ZNRF3: variants seen among roughly 807,000 people sequenced by gnomAD.
The protein encoded by ZNRF3 is zinc and ring finger 3, also known as E3 ubiquitin-protein ligase ZNRF3.
In ZNRF3, 23 loss-of-function variants were observed where a neutral mutation model predicts 72.5. That is an observed-to-expected ratio of 0.32 (90% CI 0.23 to 0.45). The LOEUF (loss-of-function observed/expected upper bound fraction) is 0.45. Ranked by LOEUF, ZNRF3 falls within the 20% of genes least tolerant of loss-of-function variation. ZNRF3 has a pLI of 1.00. For synonymous variants in ZNRF3, 610 were observed against 545.3 expected, an observed-to-expected ratio of 1.12 and a Z score of -1.65; for missense variants, 1,169 against 1,272.1, an observed-to-expected ratio of 0.92 and a Z score of 1.23.
intron 1 of ZNRF3, among the ~76,000 whole-genome samples, chr22:28,919,541 CTTTT>C (rs1242446288): frequency 1.4e-5 from 2 of 140,512 alleles, no homozygotes; most frequent in Admixed American, 7.1e-5. Context: ...AGCCTCTTTA[CTTTT>C]TTTTTTTTTT....
chr22:28,898,613 G>C (rs1185195354), intron 1 of ZNRF3, among the ~76,000 whole-genome samples: 1 of 152,246 alleles, frequency 6.6e-6, no homozygotes, highest in Non-Finnish European at 1.5e-5. Flanking sequence ...GTTCTATGTA[G>C]CTTCAGAATG....
chr22:28,946,055 A>G (rs549011325), intron 1 of ZNRF3, among the ~76,000 whole-genome samples: 4 of 152,306 alleles, frequency 2.6e-5, no homozygotes, highest in South Asian at 2.1e-4. Context: ...CTCAAAGGCA[A>G]TGCTCATTGG....
At chr22:28,969,170 C>G (rs1315409375) in intron 1 of ZNRF3, among the ~76,000 whole-genome samples, 1 of 152,164 alleles carries the variant, frequency 6.6e-6, no homozygotes, top group Non-Finnish European at 1.5e-5. Flanking sequence ...ACAGTGGCTC[C>G]CATCCCGCCC....
At position 29,033,373 on chromosome 22, in the gene ZNRF3, G is replaced by T. The variant is rs974690051; in HGVS notation, c.427-9122G>T. 1.6e-4 allele frequency among the ~76,000 whole-genome samples: 21 copies of T among 131,352 alleles called. No individual in the cohort carries two copies. The South Asian group carries it at 5.0e-3, about 31-fold the overall frequency. The allele number at this position is 131,352 out of a possible 152,430, so 86.2% of individuals were successfully genotyped here. A position where few individuals can be genotyped will look rare whatever the true frequency, so the allele number is the denominator to read the frequency against. On this transcript the variant is annotated intron_variant, in intron 2 of 8. Coordinates refer to ENST00000544604, the MANE Select transcript of ZNRF3 (RefSeq NM_001206998.2). ...CTCAAAAAAAAAAAAAAAAAAAAAA[G>T]GCTCAATATAGTTCAACTTAGGAGT...
intron 2 of ZNRF3, among the ~76,000 whole-genome samples, chr22:28,997,826 G>A (rs184653396): frequency 6.6e-6 from 1 of 151,530 alleles, no homozygotes; most frequent in East Asian, 2.0e-4. Context: ...GGCAACAAGC[G>A]AGAACTCATT....
chr22:28,899,290 C>G (rs980329410), intron 1 of ZNRF3, among the ~76,000 whole-genome samples: 2 of 152,184 alleles, frequency 1.3e-5, no homozygotes, highest in Non-Finnish European at 2.9e-5. Flanking sequence ...TTTAAATTTG[C>G]AGTCTCAACA....
At chr22:28,949,938 A>T (rs550403815) in intron 1 of ZNRF3, among the ~76,000 whole-genome samples, 2 of 142,254 alleles carry the variant, frequency 1.4e-5, no homozygotes, top group African/African-American at 5.0e-5. Flanking sequence ...CTTTATGCGT[A>T]TTTAACCATT....
intron 1 of ZNRF3, among the ~76,000 whole-genome samples, chr22:28,898,355 ACT>A (rs1337731440): frequency 9.2e-4 from 140 of 151,948 alleles, no homozygotes; most frequent in African/African-American, 3.2e-3. Context: ...GATAGTCCAG[ACT>A]CTCAAAATAA....
intron 2 of ZNRF3, among the ~76,000 whole-genome samples, chr22:29,023,743 T>A (rs1183203446): frequency 1.3e-5 from 2 of 152,208 alleles, no homozygotes; most frequent in African/African-American, 2.4e-5. Flanking sequence ...TGGTTTGTGG[T>A]CCCTCTTCTG....
intron 2 of ZNRF3, among the ~76,000 whole-genome samples, chr22:29,029,982 G>T (rs1281395607): frequency 6.6e-6 from 1 of 152,160 alleles, no homozygotes; most frequent in Non-Finnish European, 1.5e-5. Flanking sequence ...ATAAGATTTG[G>T]CCTGAAGTGG....
chr22:29,006,565 T>A (rs911115319), intron 2 of ZNRF3, among the ~76,000 whole-genome samples: 3 of 152,202 alleles, frequency 2.0e-5, no homozygotes, highest in African/African-American at 7.2e-5. Flanking sequence ...TCCTGGTTCC[T>A]TATCAGTCTC....
chr22:29,046,340 C>T (rs1186504151), intron 5 of ZNRF3, among the ~76,000 whole-genome samples: 1 of 152,172 alleles, frequency 6.6e-6, no homozygotes, highest in African/African-American at 2.4e-5. Flanking sequence ...AGCACTTACA[C>T]ATTGTCTATT....
chr22:29,044,104 G>A (rs1180377920), intron 4 of ZNRF3, among the ~76,000 whole-genome samples: 1 of 152,180 alleles, frequency 6.6e-6, no homozygotes, highest in Non-Finnish European at 1.5e-5. Flanking sequence ...TCACAGTGTA[G>A]GATGATTCTT....
intron 2 of ZNRF3, among the ~76,000 whole-genome samples, chr22:28,989,804 G>A (rs927847112): frequency 7.9e-5 from 12 of 152,148 alleles, no homozygotes; most frequent in Non-Finnish European, 2.9e-5. Flanking sequence ...ACCTACCCGC[G>A]TACTTACAGA....
chr22:29,009,905 C>CTT (rs57028204), intron 2 of ZNRF3, among the ~76,000 whole-genome samples: 43,994 of 123,424 alleles, frequency 0.36, 8,618 homozygotes, highest in Non-Finnish European at 0.4. Flanking sequence ...ACTTTTTCCT[C>CTT]TTTTTTTTTT....
chr22:29,000,157 T>G (rs1304562737), intron 2 of ZNRF3, among the ~76,000 whole-genome samples: 1 of 152,226 alleles, frequency 6.6e-6, no homozygotes, highest in Non-Finnish European at 1.5e-5. Context: ...TTTTGCATCA[T>G]TTTTGCTAGT....
At chr22:29,009,084 C>T (rs1300286202) in intron 2 of ZNRF3, among the ~76,000 whole-genome samples, 1 of 152,136 alleles carries the variant, frequency 6.6e-6, no homozygotes, top group Non-Finnish European at 1.5e-5. Context: ...ACTGCAGGGC[C>T]ACTGTGAAGA....
intron 2 of ZNRF3, among the ~76,000 whole-genome samples, chr22:29,007,605 C>G (rs1258603502): frequency 6.6e-6 from 1 of 152,048 alleles, no homozygotes; most frequent in Non-Finnish European, 1.5e-5. Flanking sequence ...TGCACTCCAG[C>G]CTGGGGTGAC....
intron 1 of ZNRF3, among the ~76,000 whole-genome samples, chr22:28,922,137 T>C (rs541796812): frequency 6.6e-5 from 10 of 152,232 alleles, no homozygotes; most frequent in Non-Finnish European, 1.3e-4. Context: ...TGTGTGGAAT[T>C]TCCACTTGTG....
Sources: allele counts gnomAD v4.1 joint callset (sites outside exome capture counted in the v4.1 genomes callset), GRCh38; gene constraint gnomAD v4.1.1; transcripts MANE v1.5; gene names NCBI Gene and HGNC (gene_info 2026-07-23, HGNC 2026-07-21).